Variants in ARHGAP15 observed in about 807,000 individuals in gnomAD.
ARHGAP15 encodes Rho GTPase activating protein 15, also known as rho GTPase-activating protein 15.
A neutral mutation model predicts 63.7 loss-of-function variants in ARHGAP15; 51 were observed. That is an observed-to-expected ratio of 0.80 (90% CI 0.64 to 1.01). The LOEUF is 1.01. Among genes scored for constraint, ARHGAP15 ranks in the 50% least tolerant of loss-of-function variants. The pLI is 0.00. For missense variants in ARHGAP15, 560 were observed against 564.6 expected, an observed-to-expected ratio of 0.99 and a Z score of 0.08; for synonymous variants, 191 against 193.8, an observed-to-expected ratio of 0.99 and a Z score of 0.12.
intron 6 of ARHGAP15, among the ~76,000 whole-genome samples, chr2:143,330,428 C>T (rs1231789210): frequency 6.6e-6 from 1 of 151,960 alleles, no homozygotes. Context: ...AAGACAAATA[C>T]ATAAAATACC....
intron 6 of ARHGAP15, among the ~76,000 whole-genome samples, chr2:143,382,575 C>G (rs1687105675): frequency 6.6e-6 from 1 of 152,150 alleles, no homozygotes; most frequent in African/African-American, 2.4e-5. Flanking sequence ...TCTGCAAAGA[C>G]CCTGTATCCA....
intron 2 of ARHGAP15, among the ~76,000 whole-genome samples, chr2:143,172,617 A>C (rs1460649890): frequency 1.3e-5 from 2 of 152,116 alleles, no homozygotes; most frequent in African/African-American, 4.8e-5. Context: ...GGTTCGATGT[A>C]GGTAGAAAGA....
chr2:143,746,031 T>C (rs1686150384), intron 13 of ARHGAP15, among the ~76,000 whole-genome samples: 1 of 152,230 alleles, frequency 6.6e-6, no homozygotes, highest in Non-Finnish European at 1.5e-5. Context: ...CAACTTCCTA[T>C]GGTATTGTGG....
chr2:143,543,862 T>C (rs904229008), intron 10 of ARHGAP15, among the ~76,000 whole-genome samples: 1 of 152,116 alleles, frequency 6.6e-6, no homozygotes, highest in Admixed American at 6.5e-5. Flanking sequence ...GGGTGCATAC[T>C]TCTTTGTTAG....
intron 12 of ARHGAP15, among the ~76,000 whole-genome samples, chr2:143,702,409 A>C (rs1190125710): frequency 1.3e-5 from 2 of 152,170 alleles, no homozygotes; most frequent in East Asian, 3.8e-4. Context: ...ATGCTATTTC[A>C]ATTTTTTTTT....
chr2:143,253,876 C>T lies in ARHGAP15; in HGVS notation c.474+3276C>T, dbSNP rs79452981. Among the ~76,000 whole-genome samples the T allele has an allele frequency of 2.6e-3, 392 of 152,108 alleles. 2 individuals are homozygous for T. Among genetic ancestry groups the T allele is most frequent in the Non-Finnish European group, 4.6e-3 (310 of 67,978 alleles). Reference sequence around the variant, plus strand: ...CACACAAACACAGAAAGATAGTACACATTTATAAAAGATCATACAAATTCT... The same window carrying T: ...CACACAAACACAGAAAGATAGTACATATTTATAAAAGATCATACAAATTCT... On this transcript the variant is annotated intron_variant, in intron 6 of 13. Transcript: ENST00000295095.
At chr2:143,475,799 C>G (rs1302400730) in intron 8 of ARHGAP15, among the ~76,000 whole-genome samples, 1 of 152,220 alleles carries the variant, frequency 6.6e-6, no homozygotes, top group African/African-American at 2.4e-5. Flanking sequence ...AAATCGTTGT[C>G]TAGAACATTC....
At chr2:143,350,456 G>C (rs564717534) in intron 6 of ARHGAP15, among the ~76,000 whole-genome samples, 1 of 152,150 alleles carries the variant, frequency 6.6e-6, no homozygotes, top group African/African-American at 2.4e-5. Flanking sequence ...AGAAAAGTTG[G>C]AAACTGCCTA....
chr2:143,449,876 A>C (rs1473619365), intron 8 of ARHGAP15, among the ~76,000 whole-genome samples: 1 of 151,890 alleles, frequency 6.6e-6, no homozygotes, highest in Non-Finnish European at 1.5e-5. Context: ...TTCTTTTCTC[A>C]GTAAGAATCT....
At chr2:143,348,300 G>A (rs1169783508) in intron 6 of ARHGAP15, among the ~76,000 whole-genome samples, 1 of 152,112 alleles carries the variant, frequency 6.6e-6, no homozygotes. Context: ...AGTAAGTTAT[G>A]TAAATTCTGA....
intron 3 of ARHGAP15, among the ~76,000 whole-genome samples, chr2:143,206,797 G>C (rs1692347039): frequency 6.6e-6 from 1 of 151,976 alleles, no homozygotes; most frequent in Non-Finnish European, 1.5e-5. Flanking sequence ...AGAAAATAAA[G>C]TACAAAAATA....
At position 143,523,913 on chromosome 2, in the gene ARHGAP15, C is replaced by T. The variant is rs556297332; in HGVS notation, c.925+4549C>T. Among the ~76,000 whole-genome samples the T allele has an allele frequency of 5.3e-5, 8 of 152,196 alleles. No homozygotes were observed. The South Asian group carries it at 6.2e-4, about 12-fold the overall frequency. ...ATTGTATGTCATATGCTTTTGACCA[C>T]AATTTTTTTAAAATGAAATCATGTT... is the stretch of plus-strand genomic sequence containing the variant. On this transcript the variant is annotated intron_variant, in intron 10 of 13. Transcript: ENST00000295095.
At chr2:143,639,273 C>T (rs753862205) in intron 12 of ARHGAP15, among the ~76,000 whole-genome samples, 1 of 152,086 alleles carries the variant, frequency 6.6e-6, no homozygotes, top group Non-Finnish European at 1.5e-5. Context: ...TACTCAAAAC[C>T]TCATTGTTTA....
chr2:143,664,353 T>C (rs567816117), intron 12 of ARHGAP15, among the ~76,000 whole-genome samples: 5 of 151,468 alleles, frequency 3.3e-5, no homozygotes, highest in African/African-American at 1.2e-4. Flanking sequence ...GAAATAAAGA[T>C]GTTCTTTGAA....
At chr2:143,187,189 T>A (rs1691485452) in intron 2 of ARHGAP15, among the ~76,000 whole-genome samples, 1 of 152,184 alleles carries the variant, frequency 6.6e-6, no homozygotes, top group African/African-American at 2.4e-5. Flanking sequence ...TGTAAGCATT[T>A]CACTAGTTGA....
chr2:143,703,671 T>C (rs1431843265), intron 13 of ARHGAP15, 147 bp downstream of exon 13: 1 of 602,222 alleles, frequency 1.7e-6, no homozygotes. Flanking sequence ...CTGCAGAAGC[T>C]GGAGAATGTG....
At chr2:143,250,712 T>G in intron 6 of ARHGAP15, 112 bp downstream of exon 6, 1 of 801,510 alleles carries the variant, frequency 1.2e-6, no homozygotes, top group South Asian at 1.9e-5. Flanking sequence ...ATGAACTCGT[T>G]GTCTGAAGGT....
chr2:143,438,449 C>A (rs1162833571), intron 8 of ARHGAP15, among the ~76,000 whole-genome samples: 1 of 152,102 alleles, frequency 6.6e-6, no homozygotes, highest in Non-Finnish European at 1.5e-5. Context: ...TTACTGAAGT[C>A]TACAAATCTA....
intron 4 of ARHGAP15, among the ~76,000 whole-genome samples, chr2:143,217,725 G>A (rs1692812917): frequency 6.6e-6 from 1 of 152,108 alleles, no homozygotes; most frequent in Admixed American, 6.6e-5. Context: ...GGAGTGTGGA[G>A]GGTACAATGA....
Sources: gnomAD v4.1 joint callset for allele counts (sites outside exome capture counted in the v4.1 genomes callset) on GRCh38, gnomAD v4.1.1 for gene constraint, MANE v1.5 for transcripts, NCBI Gene and HGNC (gene_info 2026-07-23, HGNC 2026-07-21) for gene names.